Variants in HAPLN3 observed in about 807,000 individuals in gnomAD.
HAPLN3 encodes extracellular link domain containing, 1.
Under a neutral mutation model 28.1 loss-of-function variants are expected in HAPLN3, and 28 were observed. The observed-to-expected ratio is 1.00, with a 90% CI of 0.74 to 1.37. HAPLN3 has a LOEUF of 1.37. Ranked by LOEUF, HAPLN3 falls within the 40% of genes most tolerant of loss-of-function variation. The pLI is 0.00. For missense variants in HAPLN3, 513 were observed against 504.6 expected, an observed-to-expected ratio of 1.02 and a Z score of -0.16; for synonymous variants, 211 against 213.1, an observed-to-expected ratio of 0.99 and a Z score of 0.09.
chr15:88,885,490 CTT>C (rs1897828431), intron 2 of HAPLN3, among the ~76,000 whole-genome samples: 1 of 140,702 alleles, frequency 7.1e-6, no homozygotes, highest in Non-Finnish European at 1.5e-5. Flanking sequence ...CGGAGTCTCA[CTT>C]TGTCGTTCAG....
At position 88,881,497 on chromosome 15, in the gene HAPLN3, C is replaced by A. The variant is rs770529609; in HGVS notation, c.353G>T (p.Arg118Leu). The stretch of plus-strand genomic sequence containing the variant: ...CTCTTTGTCCTGCCGCAGGTGCACG[C>A]GGCCTTGGTAGTCCCCAAAGGAGCG... ...RHRSFGDYQG[R>L]VHLRQDKEHD... Residue 118 changes from arginine (R) to leucine (L), a missense_variant, in exon 3 of 5, where the codon CGC (arginine) becomes CTC (leucine). By Grantham distance (102) the Arg-to-Leu change is moderately radical. Transcript: ENST00000359595. The surrounding 1 kb of genome is among the most constrained non-coding windows in gnomAD (Gnocchi z 6.0). The A allele has an allele frequency of 1.1e-5, 18 of 1,614,080 alleles. No individual in the cohort carries two copies. The South Asian group carries it at 1.6e-4, about 15-fold the overall frequency.
chr15:88,879,885 G>A lies in HAPLN3; in HGVS notation c.494-616C>T, dbSNP rs1278101055. On this transcript the variant is annotated intron_variant, in intron 3 of 4. Transcript: ENST00000359595. This position sits in a 1 kb window ranked among gnomAD's most constrained non-coding sequence, Gnocchi z 5.0. The stretch of plus-strand genomic sequence containing the variant: ...CCACAGGCCCTGAAAAGATATGTTC[G>A]TGTTTGAAATTTTACTCTAATAAAA... The A allele has an allele frequency of 1.3e-5, 13 of 1,015,196 alleles. No homozygotes were observed. The highest frequency in any genetic ancestry group is 9.6e-5 in the East Asian group (1 of 10,364). The allele number at this position is 1,015,196 out of a possible 1,614,324, so 62.9% of individuals were successfully genotyped here.
chr15:88,886,712 C>G (rs1897865759), intron 2 of HAPLN3, among the ~76,000 whole-genome samples: 2 of 152,100 alleles, frequency 1.3e-5, no homozygotes, highest in Non-Finnish European at 2.9e-5. Context: ...GTAATCCCAG[C>G]TACTCGGGAG....
In HAPLN3 at chr15:88,888,102, C is replaced by A. The variant is rs1055047424; in HGVS notation, c.-47-757G>T. Among the ~76,000 whole-genome samples, 4 of 146,508 alleles carry A rather than the reference C, an allele frequency of 2.7e-5. No individual in the cohort carries two copies. Among genetic ancestry groups the A allele is most frequent in the African/African-American group, 1.1e-4 (4 of 36,816 alleles). On this transcript the variant is annotated intron_variant, in intron 1 of 4. Transcript: ENST00000359595. The surrounding 1 kb of genome is among the most constrained non-coding windows in gnomAD (Gnocchi z 4.1). ...GTAAAGATGAGTCCTGCATTGTGAA[C>A]CCTTTTTTTTTTTTTTTGAGACAGA...
At chr15:88,882,647 T>C (rs1183081588) in intron 2 of HAPLN3, among the ~76,000 whole-genome samples, 2 of 152,212 alleles carry the variant, frequency 1.3e-5, no homozygotes, top group Non-Finnish European at 2.9e-5. Flanking sequence ...TGGGAGCCCC[T>C]GTTGGGACCT....
At position 88,879,025 on chromosome 15, in the gene HAPLN3, G is replaced by C; in HGVS notation, c.738C>G (p.Gly246=). The change falls in exon 4 of 5, where the codon GGC becomes GGG. Residue 246 remains glycine (G), a synonymous_variant. Coordinates refer to ENST00000359595, the MANE Select transcript of HAPLN3 (RefSeq NM_178232.4). The surrounding 1 kb of genome is among the most constrained non-coding windows in gnomAD (Gnocchi z 5.0). ...AGCGGTGCAGGCGGCGGTGGCGGGG[G>C]CCGTAGCTTCGCACGCCAGGTGCCA... ...PGLAPGVRSY[G]PRHRRLHRYD... 6.2e-7 allele frequency: 1 copy of C among 1,608,824 alleles called. No individual in the cohort carries two copies. Among genetic ancestry groups the C allele is most frequent in the Non-Finnish European group, 8.5e-7 (1 of 1,178,154 alleles).
intron 1 of HAPLN3, among the ~76,000 whole-genome samples, chr15:88,893,486 G>A (rs1055226596): frequency 2.6e-4 from 40 of 152,160 alleles, no homozygotes; most frequent in African/African-American, 9.4e-4. Context: ...GCATGCAGCA[G>A]GTGCTCAACA....
At chr15:88,882,675 G>C (rs886243852) in intron 2 of HAPLN3, among the ~76,000 whole-genome samples, 1 of 152,154 alleles carries the variant, frequency 6.6e-6, no homozygotes, top group Non-Finnish European at 1.5e-5. Flanking sequence ...TCATTCTCTT[G>C]GGTCTAGACT....
chr15:88,879,704 G>C lies in HAPLN3; in HGVS notation c.494-435C>G. The C allele has an allele frequency of 1.7e-6, 2 of 1,179,162 alleles. No homozygotes were observed. Among genetic ancestry groups the C allele is most frequent in the East Asian group, 1.2e-4 (2 of 16,678 alleles). The allele number at this position is 1,179,162 out of a possible 1,614,324, so 73.0% of individuals were successfully genotyped here. On this transcript the variant is annotated intron_variant, in intron 3 of 4. Coordinates refer to ENST00000359595, the MANE Select transcript of HAPLN3 (RefSeq NM_178232.4). This position sits in a 1 kb window ranked among gnomAD's most constrained non-coding sequence, Gnocchi z 5.0. Reference sequence around the variant, plus strand: ...GTGGAAATTTCCTAGGAAAATGCAAGGAACTTTCCACGTGTGGCAGATGAT... The same window carrying C: ...GTGGAAATTTCCTAGGAAAATGCAACGAACTTTCCACGTGTGGCAGATGAT...
intron 1 of HAPLN3, among the ~76,000 whole-genome samples, chr15:88,887,918 A>G (rs1897908635): frequency 6.6e-6 from 1 of 152,042 alleles, no homozygotes; most frequent in Non-Finnish European, 1.5e-5. Context: ...AGCCAAGATC[A>G]TGCCATTGCA....
At chr15:88,889,368 C>T (rs766681223) in intron 1 of HAPLN3, among the ~76,000 whole-genome samples, 1 of 152,086 alleles carries the variant, frequency 6.6e-6, no homozygotes. Context: ...TAGAATCTCA[C>T]TCTGTTGTCC....
Position 88,879,208 on chromosome 15 carries a change from C to T in HAPLN3, c.555G>A (p.Gln185=), listed in dbSNP as rs969843387. Residue 185 remains glutamine, a synonymous_variant, in exon 4 of 5, where the codon CAG becomes CAA. Coordinates refer to ENST00000359595, the MANE Select transcript of HAPLN3 (RefSeq NM_178232.4). The surrounding 1 kb of genome is among the most constrained non-coding windows in gnomAD (Gnocchi z 5.0). The part of the protein sequence containing the change: ...GRYQFNFHEG[Q]QVCAEQAAVV... Reference sequence around the variant, plus strand: ...CCGCAGCCTGCTCTGCACAGACCTGCTGGCCCTCGTGGAAGTTGAACTGGT... The same window carrying T: ...CCGCAGCCTGCTCTGCACAGACCTGTTGGCCCTCGTGGAAGTTGAACTGGT... 2.5e-6 allele frequency: 4 copies of T among 1,612,374 alleles called. No individual in the cohort carries two copies. Among genetic ancestry groups the T allele is most frequent in the Non-Finnish European group, 2.5e-6 (3 of 1,179,202 alleles).
chr15:88,886,551 A>C (rs1361285920), intron 2 of HAPLN3, among the ~76,000 whole-genome samples: 1 of 150,838 alleles, frequency 6.6e-6, no homozygotes, highest in Non-Finnish European at 1.5e-5. Flanking sequence ...CGGGCCAGGC[A>C]TGGTGGCTTA....
intron 1 of HAPLN3, among the ~76,000 whole-genome samples, chr15:88,894,142 C>T (rs1381120616): frequency 1.3e-5 from 2 of 152,146 alleles, no homozygotes; most frequent in African/African-American, 4.8e-5. Flanking sequence ...GCTCTTTCTC[C>T]TCTCTCACTG....
rs1567205804 is a variant in HAPLN3 at position 88,888,800 on chromosome 15, G to T, written c.-47-1455C>A. Reference sequence around the variant, plus strand: ...AATGAGACTGAAGATGCAGGAGTTTGCCAGGTGGAGAAGGACTGACAGGTT... The same window carrying T: ...AATGAGACTGAAGATGCAGGAGTTTTCCAGGTGGAGAAGGACTGACAGGTT... On this transcript the variant is annotated intron_variant, in intron 1 of 4. Transcript: ENST00000359595. This position sits in a 1 kb window ranked among gnomAD's most constrained non-coding sequence, Gnocchi z 4.1. Among the ~76,000 whole-genome samples the T allele has an allele frequency of 1.3e-5, 2 of 152,328 alleles. No individual in the cohort carries two copies. The highest frequency in any genetic ancestry group is 1.9e-4 in the East Asian group (1 of 5,178).
At position 88,881,488 on chromosome 15, in the gene HAPLN3, A is replaced by C. The variant is rs1487008885; in HGVS notation, c.362T>G (p.Leu121Arg). Residue 121 changes from leucine to arginine, a missense_variant, in exon 3 of 5, where the codon CTG becomes CGG. Transcript: ENST00000359595. This position sits in a 1 kb window ranked among gnomAD's most constrained non-coding sequence, Gnocchi z 6.0. ...GACGTCATGCTCTTTGTCCTGCCGC[A>C]GGTGCACGCGGCCTTGGTAGTCCCC... is the stretch of plus-strand genomic sequence containing the variant. ...SFGDYQGRVH[L>R]RQDKEHDVSL... 2 of 1,614,008 alleles carry C rather than the reference A, an allele frequency of 1.2e-6. No homozygotes were observed. Among genetic ancestry groups the C allele is most frequent in the African/African-American group, 2.7e-5 (2 of 75,042 alleles).
rs1249781122 is a variant in HAPLN3, at chr15:88,877,833, T to C, written c.*137A>G. ...TGGGTTCTGTTTGCTTTACAAAAAA[T>C]AGTAAAAAAATGTTTAAAGAAAATT... On this transcript the variant is annotated 3_prime_UTR_variant, in exon 5 of 5. Coordinates refer to ENST00000359595, the MANE Select transcript of HAPLN3 (RefSeq NM_178232.4). This position sits in a 1 kb window ranked among gnomAD's most constrained non-coding sequence, Gnocchi z 5.1. 2 of 894,140 alleles carry C rather than the reference T, an allele frequency of 2.2e-6. No homozygotes were observed. Among genetic ancestry groups the C allele is most frequent in the African/African-American group, 1.7e-5 (1 of 58,990 alleles). The allele number at this position is 894,140 out of a possible 1,614,324, so 55.4% of individuals were successfully genotyped here. A position where few individuals can be genotyped will look rare whatever the true frequency, so the allele number is the denominator to read the frequency against.
rs142655899 is a variant in HAPLN3 at position 88,878,253 on chromosome 15, C to T, written c.800G>A (p.Arg267Gln). 3.0e-5 allele frequency: 48 copies of T among 1,610,126 alleles called. No individual in the cohort carries two copies. Among genetic ancestry groups the T allele is most frequent in the East Asian group, 6.7e-5 (3 of 44,830 alleles). The stretch of plus-strand genomic sequence containing the variant: ...CTCAGGGTGCTCCAGGTAGTACACC[C>T]GCCCTGGGGGAAAGGGGGCGTGAGT... ...VFCFATALKG[R>Q]VYYLEHPEKL... Residue 267 changes from arginine to glutamine, a missense_variant, in exon 5 of 5, where the codon CGG becomes CAG. Physicochemically the swap from Arg to Gln is conservative, Grantham distance 43. Coordinates refer to ENST00000359595, the MANE Select transcript of HAPLN3 (RefSeq NM_178232.4).
chr15:88,878,119 C>T lies in HAPLN3; in HGVS notation c.934G>A (p.Asp312Asn), dbSNP rs565658414. 202 of 1,614,142 alleles carry T rather than the reference C, an allele frequency of 1.3e-4. 1 individual carries two copies. In the Middle Eastern group the frequency reaches 2.3e-3, roughly 18 times the overall value. ...CTACCATCTGCCAGCCAGCCAGCGT[C>T]GCAGCGGTCCAGGCCATGGAACTTC... ...AWKFHGLDRC[D>N]AGWLADGSVR... The change falls in exon 5 of 5, where the codon GAC (aspartate) becomes AAC (asparagine). Residue 312 changes from aspartate to asparagine, a missense_variant. By Grantham distance (23) the Asp-to-Asn change is conservative. Coordinates refer to ENST00000359595, the MANE Select transcript of HAPLN3 (RefSeq NM_178232.4).
Sources: gnomAD v4.1 joint callset for allele counts (sites outside exome capture counted in the v4.1 genomes callset) on GRCh38, gnomAD v4.1.1 for gene constraint, Gnocchi (gnomAD v3.1) non-coding constraint, MANE v1.5 for transcripts, NCBI Gene and HGNC (gene_info 2026-07-23, HGNC 2026-07-21) for gene names.